Variants in SENP5 observed in about 807,000 individuals in gnomAD.
SENP5 encodes sentrin-specific protease 5.
Under a neutral mutation model 74.2 loss-of-function variants are expected in SENP5, and 21 were observed. That is an observed-to-expected ratio of 0.28 (90% CI 0.20 to 0.41). The LOEUF is 0.41. SENP5 is among the 10% of genes least tolerant of loss of function. SENP5 has a pLI of 1.00. For missense variants in SENP5, 717 were observed against 889.1 expected (o/e 0.81, Z 2.46); for synonymous variants, 311 against 312.7 (o/e 0.99, Z 0.06).
At chr3:196,906,961 G>A (rs759243029) in intron 6 of SENP5, among the ~76,000 whole-genome samples, 11 of 152,178 alleles carry the variant, frequency 7.2e-5, no homozygotes, top group Non-Finnish European at 1.5e-4. Flanking sequence ...TGAGTGTGAT[G>A]TAGGAAGTAA....
intron 2 of SENP5, among the ~76,000 whole-genome samples, chr3:196,898,826 G>A (rs12107235): frequency 6.6e-6 from 1 of 151,958 alleles, no homozygotes. Context: ...TTCGATGATT[G>A]CATTCAATTC....
chr3:196,868,930 G>T (rs553071745), intron 1 of SENP5, among the ~76,000 whole-genome samples: 2 of 151,120 alleles, frequency 1.3e-5, no homozygotes, highest in South Asian at 4.2e-4. Flanking sequence ...GTATGGAAAA[G>T]GTTGCCTAGA....
At chr3:196,894,116 G>GTTTT (rs34480422) in intron 2 of SENP5, among the ~76,000 whole-genome samples, 10 of 93,202 alleles carry the variant, frequency 1.1e-4, no homozygotes, top group East Asian at 5.4e-4. Flanking sequence ...TATTAATGTG[G>GTTTT]TTTTTTTTTT....
At chr3:196,899,042 G>A (rs1180773347) in intron 2 of SENP5, among the ~76,000 whole-genome samples, 1 of 147,722 alleles carries the variant, frequency 6.8e-6, no homozygotes, top group Admixed American at 6.8e-5. Flanking sequence ...TCGTGCCACT[G>A]CACTCCAGCC....
intron 6 of SENP5, among the ~76,000 whole-genome samples, chr3:196,919,398 T>C (rs1020564422): frequency 2.6e-5 from 4 of 152,184 alleles, no homozygotes; most frequent in Admixed American, 1.3e-4. Flanking sequence ...GAAGAATCGC[T>C]TGAACCCTAG....
At chr3:196,890,937 A>G (rs1034359733) in intron 2 of SENP5, among the ~76,000 whole-genome samples, 15 of 152,236 alleles carry the variant, frequency 9.9e-5, no homozygotes, top group African/African-American at 3.6e-4. Flanking sequence ...CTGTGCCGCA[A>G]AACATTCCAG....
intron 6 of SENP5, among the ~76,000 whole-genome samples, chr3:196,916,135 G>A (rs1715364476): frequency 6.6e-6 from 1 of 151,966 alleles, no homozygotes; most frequent in Non-Finnish European, 1.5e-5. Context: ...GACCAGCCTG[G>A]CCAACATGGT....
intron 1 of SENP5, among the ~76,000 whole-genome samples, chr3:196,868,674 G>A (rs931566797): frequency 6.6e-6 from 1 of 152,156 alleles, no homozygotes; most frequent in Non-Finnish European, 1.5e-5. Context: ...ATCCTACCCT[G>A]CTCTCTGGTA....
chr3:196,905,657 A>G (rs553354817), intron 6 of SENP5, among the ~76,000 whole-genome samples: 1 of 152,072 alleles, frequency 6.6e-6, no homozygotes, highest in Admixed American at 6.6e-5. Context: ...GGGCACAGGG[A>G]TTCTCTAGGA....
At chr3:196,888,988 C>T (rs1714094278) in intron 2 of SENP5, among the ~76,000 whole-genome samples, 1 of 151,790 alleles carries the variant, frequency 6.6e-6, no homozygotes, top group African/African-American at 2.4e-5. Context: ...TGGTGGCAGG[C>T]GCCTGTAGTC....
intron 6 of SENP5, chr3:196,914,586 A>AAAAAAAAAAAAAATAT: frequency 1.2e-3 from 39 of 33,486 alleles, no homozygotes; most frequent in African/African-American, 1.8e-3. Flanking sequence ...AAAAAAAAAA[A>AAAAAAAAAAAAAATAT]ATATATATAT....
At chr3:196,929,774 A>G (rs1312181512) in intron 9 of SENP5, 91 bp downstream of exon 9, 5 of 856,204 alleles carry the variant, frequency 5.8e-6, no homozygotes, top group Non-Finnish European at 9.9e-6. Flanking sequence ...GTATGTGTAT[A>G]TGATGCTAGG....
intron 6 of SENP5, among the ~76,000 whole-genome samples, chr3:196,910,453 TCTC>T: frequency 6.8e-6 from 1 of 146,448 alleles, no homozygotes; most frequent in Middle Eastern, 3.5e-3. Context: ...TTCAAGCAAT[TCTC>T]CTGCCTCAGC....
intron 7 of SENP5, among the ~76,000 whole-genome samples, chr3:196,925,044 T>G (rs922060744): frequency 6.6e-6 from 1 of 152,190 alleles, no homozygotes; most frequent in African/African-American, 2.4e-5. Context: ...TAGACACATA[T>G]ATACATACAT....
rs746280951 is a variant in SENP5, at chr3:196,885,879, A to G, written c.698A>G (p.Tyr233Cys). Residue 233 changes from tyrosine (Y) to cysteine (C), a missense_variant, in exon 2 of 10, where the codon TAT becomes TGT. Transcript: ENST00000323460. ...ATAAAATTATCTCCTCTTATGATGT[A>G]TGAGAAATTATCCATGATTAGATTT... ...RRIKLSPLMM[Y>C]EKLSMIRFRY... 1.2e-6 allele frequency: 2 copies of G among 1,613,698 alleles called. No individual in the cohort carries two copies. The highest frequency in any genetic ancestry group is 1.3e-5 in the African/African-American group (1 of 74,972).
At chr3:196,888,296 A>T (rs1714059366) in intron 2 of SENP5, among the ~76,000 whole-genome samples, 1 of 152,172 alleles carries the variant, frequency 6.6e-6, no homozygotes, top group Non-Finnish European at 1.5e-5. Context: ...TATAAAGTGA[A>T]AACAGGCCAG....
intron 2 of SENP5, among the ~76,000 whole-genome samples, chr3:196,895,371 A>G (rs769141513): frequency 1.3e-4 from 19 of 151,034 alleles, no homozygotes; most frequent in Admixed American, 2.0e-4. Context: ...ATTTTTTAGT[A>G]GAGACAGGGT....
At chr3:196,896,484 T>C (rs1391274378) in intron 2 of SENP5, among the ~76,000 whole-genome samples, 2 of 152,136 alleles carry the variant, frequency 1.3e-5, no homozygotes. Context: ...AGATGAGGTC[T>C]CGCTCTGTTG....
At chr3:196,899,885 G>T (rs779427915) in intron 3 of SENP5, 39 bp from the exon 4 acceptor site, 34 of 1,603,612 alleles carry the variant, frequency 2.1e-5, no homozygotes, top group African/African-American at 4.0e-5. Flanking sequence ...AAGTACTCAT[G>T]TTTTTTTTAC....
Sources: allele counts gnomAD v4.1 joint callset (sites outside exome capture counted in the v4.1 genomes callset), GRCh38; gene constraint gnomAD v4.1.1; transcripts MANE v1.5; gene names NCBI Gene and HGNC (gene_info 2026-07-23, HGNC 2026-07-21).